Variants in SMARCD3 observed in about 807,000 individuals in gnomAD.
SMARCD3 encodes the protein SWI/SNF-related matrix-associated actin-dependent regulator of chromatin subfamily D member 3.
A neutral mutation model predicts 58.0 loss-of-function variants in SMARCD3; 14 were observed. The ratio of observed to expected loss-of-function variants is 0.24; its 90% CI spans 0.16 to 0.38. The LOEUF (loss-of-function observed/expected upper bound fraction) is 0.38. Among genes scored for constraint, SMARCD3 ranks in the 10% least tolerant of loss-of-function variants. The probability of loss-of-function intolerance (pLI) is 1.00; values close to 1 mark genes in which losing one functional copy is unlikely to be tolerated. For synonymous variants in SMARCD3, 253 were observed against 253.8 expected, an observed-to-expected ratio of 1.00 and a Z score of 0.03; for missense variants, 408 against 636.9, an observed-to-expected ratio of 0.64 and a Z score of 3.87.
chr7:151,270,077 A>C (rs1795128917), intron 2 of SMARCD3, among the ~76,000 whole-genome samples: 1 of 152,164 alleles, frequency 6.6e-6, no homozygotes, highest in Admixed American at 6.5e-5. Flanking sequence ...AGCTGCCTCC[A>C]AATGTTGAAA....
chr7:151,258,551 T>C lies in SMARCD3; in HGVS notation c.40-12880A>G, dbSNP rs1411434489. On this transcript the variant is annotated intron_variant, in intron 2 of 13. Coordinates refer to the SMARCD3 transcript ENST00000356800. Reference sequence around the variant, plus strand: ...CTGCACTCCAGCCTGGGCAACAGAGTGAGACTCTGCCTAAAAAAAAAAAAA... The same window carrying C: ...CTGCACTCCAGCCTGGGCAACAGAGCGAGACTCTGCCTAAAAAAAAAAAAA... 3.2e-5 allele frequency among the ~76,000 whole-genome samples: 4 copies of C among 125,876 alleles called. 1 individual carries two copies. The South Asian group carries it at 9.9e-4, about 31-fold the overall frequency. The allele number at this position is 125,876 out of a possible 152,430, so 82.6% of individuals were successfully genotyped here. A position where few individuals can be genotyped will look rare whatever the true frequency, so the allele number is the denominator to read the frequency against.
intron 2 of SMARCD3, among the ~76,000 whole-genome samples, chr7:151,267,028 C>T (rs1804102859): frequency 6.6e-6 from 1 of 152,176 alleles, no homozygotes; most frequent in Non-Finnish European, 1.5e-5. Flanking sequence ...ATTTATACCA[C>T]AGGAATTGGC....
Position 151,243,671 on chromosome 7 carries a change from G to T in SMARCD3, c.321C>A (p.Ile107=). Residue 107 remains isoleucine, a synonymous_variant, in exon 3 of 13, where the codon ATC becomes ATA. Transcript: ENST00000262188. This position sits in a 1 kb window ranked among gnomAD's most constrained non-coding sequence, Gnocchi z 4.4. ...GAAAGGCACTCACCCTTTGAGGGAG[G>T]ATTTTGTCAGCCATCTTCCTCCTCT... The part of the protein sequence containing the change: ...SAKRRKMADK[I]LPQRIRELVP... The T allele has an allele frequency of 6.2e-7, 1 of 1,609,926 alleles. No individual in the cohort carries two copies. The highest frequency in any genetic ancestry group is 8.5e-7 in the Non-Finnish European group (1 of 1,176,222).
chr7:151,253,754 G>T (rs1258728890), intron 2 of SMARCD3, among the ~76,000 whole-genome samples: 1 of 152,124 alleles, frequency 6.6e-6, no homozygotes, highest in African/African-American at 2.4e-5. Flanking sequence ...GCACGGACAG[G>T]GCTGGGCTGT....
At chr7:151,266,605 C>T (rs1403534749) in intron 2 of SMARCD3, among the ~76,000 whole-genome samples, 7 of 152,154 alleles carry the variant, frequency 4.6e-5, no homozygotes, top group Non-Finnish European at 8.8e-5. Flanking sequence ...TTTGGGGCTT[C>T]GTCTTTCTTC....
At chr7:151,255,176 A>C (rs115020116) in intron 2 of SMARCD3, among the ~76,000 whole-genome samples, 1,862 of 150,108 alleles carry the variant, frequency 0.012, 30 homozygotes, top group African/African-American at 0.043. Context: ...GACCCCCTCA[A>C]CTCCTGCACT....
intron 2 of SMARCD3, among the ~76,000 whole-genome samples, chr7:151,255,707 G>T (rs927902661): frequency 4.0e-5 from 6 of 151,872 alleles, no homozygotes; most frequent in Non-Finnish European, 7.4e-5. Context: ...CCTCTTTCCA[G>T]TTCACCCTGT....
At chr7:151,274,130 G>A (rs939512792) in intron 2 of SMARCD3, among the ~76,000 whole-genome samples, 1 of 152,246 alleles carries the variant, frequency 6.6e-6, no homozygotes, top group Non-Finnish European at 1.5e-5. Flanking sequence ...GGCCCTTTGT[G>A]CCCAATTGTC....
In SMARCD3 at chr7:151,239,988, CTT is replaced by C. The variant is rs552440384; in HGVS notation, c.1173+122_1173+123del. On this transcript the variant is annotated intron_variant, in intron 10 of 12. Transcript: ENST00000262188. The surrounding 1 kb of genome is among the most constrained non-coding windows in gnomAD (Gnocchi z 7.0). ...GTCCCATTGGCCCAGAGTCTGGTCT[CTT>C]TTTTTTTTTTTTTTTTAATTTAACC... is the stretch of plus-strand genomic sequence containing the variant. 37,003 of 800,356 alleles carry C rather than the reference CTT, an allele frequency of 0.046. 8 individuals are homozygous for C. Among genetic ancestry groups the C allele is most frequent in the Non-Finnish European group, 0.05 (26,943 of 538,104 alleles). The allele number at this position is 800,356 out of a possible 1,614,324, so 49.6% of individuals were successfully genotyped here.
intron 2 of SMARCD3, among the ~76,000 whole-genome samples, chr7:151,257,603 G>T (rs1584886494): frequency 6.6e-6 from 1 of 152,160 alleles, no homozygotes; most frequent in African/African-American, 2.4e-5. Context: ...GGGATTACAG[G>T]TGTGAGCCAC....
intron 2 of SMARCD3, among the ~76,000 whole-genome samples, chr7:151,259,609 T>TTTTTTG (rs1563682428): frequency 2.0e-5 from 2 of 97,684 alleles, no homozygotes; most frequent in African/African-American, 1.1e-4. Flanking sequence ...GAGTTTTTTT[T>TTTTTTG]TTTTTTTTTT....
At chr7:151,244,849 AG>A (rs1480833519) in intron 2 of SMARCD3, among the ~76,000 whole-genome samples, 1 of 152,224 alleles carries the variant, frequency 6.6e-6, no homozygotes, top group East Asian at 1.9e-4. Context: ...AGGGGCTTTG[AG>A]GGTGCCACCA....
Position 151,267,908 on chromosome 7 carries a change from T to G in SMARCD3, c.39+7206A>C, listed in dbSNP as rs7783320. On this transcript the variant is annotated intron_variant, in intron 2 of 13. Transcript: ENST00000356800. The stretch of plus-strand genomic sequence containing the variant: ...GGGAGAACTGCCTGAGCCCAGGATG[T>G]TGAGGCTGCAGTGAGCCATGATCGC... Among the ~76,000 whole-genome samples, 1,053 of 152,234 alleles carry G rather than the reference T, an allele frequency of 6.9e-3. 8 individuals carry two copies. The highest frequency in any genetic ancestry group is 0.024 in the African/African-American group (978 of 41,532).
Position 151,248,449 on chromosome 7 carries a change from T to A in SMARCD3, c.78+36A>T, listed in dbSNP as rs1261806136. ...AGCCCTCCATTCAGCCCGAGCCAGCTCGCTTGCCCTCCCCCGCTAACTTTC... is the reference window on the plus strand; with the variant it reads ...AGCCCTCCATTCAGCCCGAGCCAGCACGCTTGCCCTCCCCCGCTAACTTTC... On this transcript the variant is annotated intron_variant, in intron 1 of 12. Coordinates refer to ENST00000262188, the MANE Select transcript of SMARCD3 (RefSeq NM_001003801.2). This position sits in a 1 kb window ranked among gnomAD's most constrained non-coding sequence, Gnocchi z 6.1. The A allele has an allele frequency of 6.4e-7, 1 of 1,566,134 alleles. No individual in the cohort carries two copies. Among genetic ancestry groups the A allele is most frequent in the Admixed American group, 1.7e-5 (1 of 59,376 alleles).
Position 151,242,052 on chromosome 7 carries a change from C to T in SMARCD3, c.676-74G>A. ...TGGGGCCCAGGACTCTAGGGTGGTC[C>T]CTGACCCAAATCTGTGCTGGTTCTT... On this transcript the variant is annotated intron_variant, in intron 6 of 12. Coordinates refer to ENST00000262188, the MANE Select transcript of SMARCD3 (RefSeq NM_001003801.2). The surrounding 1 kb of genome is among the most constrained non-coding windows in gnomAD (Gnocchi z 4.7). The T allele has an allele frequency of 2.6e-6, 4 of 1,546,002 alleles. No homozygotes were observed. Among genetic ancestry groups the T allele is most frequent in the South Asian group, 1.1e-5 (1 of 89,576 alleles).
chr7:151,267,412 G>A (rs1484565292), intron 2 of SMARCD3, among the ~76,000 whole-genome samples: 1 of 152,226 alleles, frequency 6.6e-6, no homozygotes, highest in East Asian at 1.9e-4. Flanking sequence ...CATAAGGTCC[G>A]TGTTCTTTCT....
chr7:151,263,104 C>G lies in SMARCD3; in HGVS notation c.39+12010G>C, dbSNP rs150195522. Among the ~76,000 whole-genome samples, 371 of 152,220 alleles carry G rather than the reference C, an allele frequency of 2.4e-3. 2 individuals are homozygous for G. Among genetic ancestry groups the G allele is most frequent in the Middle Eastern group, 6.8e-3 (2 of 294 alleles). On this transcript the variant is annotated intron_variant, in intron 2 of 13. Transcript: ENST00000356800. ...GTGGGGAAACTGAGGCCTAAGGAAG[C>G]AAAGTGACTGGTGTAAGGTTGCAGA...
chr7:151,254,615 T>C (rs1319969925), intron 2 of SMARCD3: 1 of 152,376 alleles, frequency 6.6e-6, no homozygotes, highest in Non-Finnish European at 1.5e-5. Flanking sequence ...TCTCCACGTG[T>C]GTCCTGTGTT....
intron 2 of SMARCD3, among the ~76,000 whole-genome samples, chr7:151,257,467 C>T (rs896381549): frequency 7.9e-5 from 12 of 152,188 alleles, no homozygotes; most frequent in African/African-American, 2.4e-4. Flanking sequence ...GCTGGGACTA[C>T]AGGCACCCGC....
Sources: allele counts gnomAD v4.1 joint callset (sites outside exome capture counted in the v4.1 genomes callset), GRCh38; gene constraint gnomAD v4.1.1; non-coding constraint Gnocchi (gnomAD v3.1); transcripts MANE v1.5; gene names NCBI Gene and HGNC (gene_info 2026-07-23, HGNC 2026-07-21).